CATSPERE: variants seen among roughly 807,000 people sequenced by gnomAD.
CATSPERE encodes catsper channel auxiliary subunit epsilon, also known as cation channel sperm-associated auxiliary subunit epsilon.
Under a neutral mutation model 114.1 loss-of-function variants are expected in CATSPERE, and 93 were observed. That is an observed-to-expected ratio of 0.81 (90% CI 0.69 to 0.97). The LOEUF (loss-of-function observed/expected upper bound fraction) is 0.97. CATSPERE is among the 50% of genes least tolerant of loss of function. CATSPERE has a pLI of 0.00. For synonymous variants in CATSPERE, 341 were observed against 384.1 expected (o/e 0.89, Z 1.31); for missense variants, 1,058 against 1,131.6 (o/e 0.93, Z 0.93).
At chr1:244,601,182 A>T (rs1185988906) in intron 17 of CATSPERE, among the ~76,000 whole-genome samples, 3 of 152,176 alleles carry the variant, frequency 2.0e-5, no homozygotes, top group Non-Finnish European at 4.4e-5. Context: ...GTGGAGAGAG[A>T]ATTACTGAAA....
At chr1:244,528,789 A>ACACG (rs775873171) in intron 8 of CATSPERE, among the ~76,000 whole-genome samples, 117 of 129,374 alleles carry the variant, frequency 9.0e-4, no homozygotes, top group South Asian at 1.6e-3. Context: ...CCCCCACCAC[A>ACACG]CACACACACA....
chr1:244,553,600 A>AAAAAC (rs1553356088), intron 9 of CATSPERE, among the ~76,000 whole-genome samples: 1 of 32,578 alleles, frequency 3.1e-5, no homozygotes, highest in Admixed American at 3.4e-4. Context: ...AAAAAAAAAA[A>AAAAAC]ATACACACAC....
chr1:244,546,807 A>T (rs1248041078), intron 8 of CATSPERE, among the ~76,000 whole-genome samples: 1 of 152,174 alleles, frequency 6.6e-6, no homozygotes, highest in Non-Finnish European at 1.5e-5. Flanking sequence ...AAAAGAATGA[A>T]AGGAATGAAG....
At chr1:244,549,994 A>G (rs1473168582) in intron 8 of CATSPERE, among the ~76,000 whole-genome samples, 1 of 152,182 alleles carries the variant, frequency 6.6e-6, no homozygotes, top group Non-Finnish European at 1.5e-5. Flanking sequence ...GAGTTGCAAC[A>G]TCCATCTTCT....
rs550949950 is a variant in CATSPERE, at chr1:244,606,354, G to A, written c.2403+560G>A. Among the ~76,000 whole-genome samples, 14 of 151,904 alleles carry A rather than the reference G, an allele frequency of 9.2e-5. No individual in the cohort carries two copies. In the South Asian group the frequency reaches 2.5e-3, roughly 27 times the overall value. On this transcript the variant is annotated intron_variant, in intron 18 of 21. Coordinates refer to ENST00000366534, the MANE Select transcript of CATSPERE (RefSeq NM_001130957.2). ...CAACACATTTCCCCTCCCTGTGTGG[G>A]CCTTCCTGCCCTGAGGGCCTCCTGT...
intron 18 of CATSPERE, among the ~76,000 whole-genome samples, chr1:244,608,901 T>A (rs1670352109): frequency 6.6e-6 from 1 of 152,112 alleles, no homozygotes; most frequent in Admixed American, 6.6e-5. Context: ...GTTGCTCAAT[T>A]CCTATCTTGG....
intron 20 of CATSPERE, among the ~76,000 whole-genome samples, chr1:244,619,058 A>G (rs1173097570): frequency 2.0e-5 from 3 of 152,198 alleles, no homozygotes; most frequent in African/African-American, 4.8e-5. Context: ...GTATTGAGAT[A>G]AGAGTTCTGA....
intron 7 of CATSPERE, among the ~76,000 whole-genome samples, chr1:244,512,186 G>T (rs1476194471): frequency 2.0e-5 from 3 of 152,096 alleles, no homozygotes; most frequent in African/African-American, 7.2e-5. Flanking sequence ...CAAATATCTG[G>T]TTGCTTTATG....
chr1:244,610,754 CT>C (rs56253016), intron 19 of CATSPERE, among the ~76,000 whole-genome samples: 37,003 of 136,158 alleles, frequency 0.27, 4,379 homozygotes, highest in East Asian at 0.36. Context: ...ATTTTCTTTC[CT>C]TTTTTTTTTT....
intron 8 of CATSPERE, among the ~76,000 whole-genome samples, chr1:244,537,111 G>A (rs186670973): frequency 9.9e-4 from 150 of 152,246 alleles, no homozygotes; most frequent in African/African-American, 3.6e-3. Flanking sequence ...CATCCTTGTC[G>A]TGTAGGCAAT....
intron 8 of CATSPERE, among the ~76,000 whole-genome samples, chr1:244,548,498 G>A (rs1660109848): frequency 6.7e-6 from 1 of 148,570 alleles, no homozygotes; most frequent in Non-Finnish European, 1.5e-5. Context: ...TGTTCTTACT[G>A]GAATAGACAC....
intron 20 of CATSPERE, among the ~76,000 whole-genome samples, chr1:244,618,763 A>G (rs1418315813): frequency 1.3e-5 from 2 of 152,130 alleles, no homozygotes; most frequent in Non-Finnish European, 2.9e-5. Context: ...GCTGGGCAAC[A>G]AGAGGGAAAC....
intron 1 of CATSPERE, among the ~76,000 whole-genome samples, chr1:244,456,254 C>A (rs1326466583): frequency 6.6e-6 from 1 of 152,006 alleles, no homozygotes; most frequent in East Asian, 1.9e-4. Flanking sequence ...TAAAGCGGCA[C>A]CCTTAATTTT....
chr1:244,637,755 C>G (rs1674814443), intron 21 of CATSPERE, among the ~76,000 whole-genome samples: 1 of 152,248 alleles, frequency 6.6e-6, no homozygotes, highest in Non-Finnish European at 1.5e-5. Context: ...GCAGCATTCT[C>G]TGTAATAGCG....
At chr1:244,462,269 A>G (rs941196622) in intron 1 of CATSPERE, among the ~76,000 whole-genome samples, 5 of 152,154 alleles carry the variant, frequency 3.3e-5, no homozygotes, top group Non-Finnish European at 7.4e-5. Context: ...CACCCCACAC[A>G]CCTATGGGCC....
At chr1:244,471,840 T>A (rs1003810251) in intron 2 of CATSPERE, among the ~76,000 whole-genome samples, 2 of 152,334 alleles carry the variant, frequency 1.3e-5, no homozygotes, top group African/African-American at 4.8e-5. Context: ...GCTGTGGACA[T>A]TCATGTACAT....
At chr1:244,473,740 T>C (rs1668840374) in intron 2 of CATSPERE, among the ~76,000 whole-genome samples, 1 of 152,136 alleles carries the variant, frequency 6.6e-6, no homozygotes, top group Non-Finnish European at 1.5e-5. Context: ...TTTTTTCTTC[T>C]GGTATTTCTT....
intron 5 of CATSPERE, among the ~76,000 whole-genome samples, chr1:244,481,739 T>C (rs1055580311): frequency 1.3e-5 from 2 of 152,218 alleles, no homozygotes; most frequent in Non-Finnish European, 2.9e-5. Context: ...ATGAGATTAG[T>C]GCTCGTACAA....
chr1:244,501,987 G>A lies in CATSPERE; in HGVS notation c.429+2908G>A, dbSNP rs3006031. Among the ~76,000 whole-genome samples, 881 of 152,170 alleles carry A rather than the reference G, an allele frequency of 5.8e-3. 12 individuals carry two copies. Among genetic ancestry groups the A allele is most frequent in the African/African-American group, 0.02 (823 of 41,526 alleles). On this transcript the variant is annotated intron_variant, in intron 7 of 21. Transcript: ENST00000366534. ...TGATGCTGTTCCCTGCACATCAACC[G>A]CGCAGCCATTTTCTTCATCTCAGTA...
Sources: allele counts gnomAD v4.1 joint callset (sites outside exome capture counted in the v4.1 genomes callset), GRCh38; gene constraint gnomAD v4.1.1; transcripts MANE v1.5; gene names NCBI Gene and HGNC (gene_info 2026-07-23, HGNC 2026-07-21).